EMP1: variants seen among roughly 807,000 people sequenced by gnomAD.
EMP1 encodes the protein tumor-associated membrane protein.
A neutral mutation model predicts 15.7 loss-of-function variants in EMP1; 5 were observed. The observed-to-expected ratio is 0.32, with a 90% CI of 0.17 to 0.67. The LOEUF (loss-of-function observed/expected upper bound fraction) is 0.67, where lower values mean the gene tolerates loss of function less well. Ranked by LOEUF, EMP1 falls within the 30% of genes least tolerant of loss-of-function variation. The probability of loss-of-function intolerance (pLI) is 0.74; values close to 1 mark genes in which losing one functional copy is unlikely to be tolerated. For synonymous variants in EMP1, 78 were observed against 76.7 expected, an observed-to-expected ratio of 1.02 and a Z score of -0.09; for missense variants, 166 against 194.2, an observed-to-expected ratio of 0.85 and a Z score of 0.86.
chr12:13,206,202 G>C (rs1864109354), intron 1 of EMP1, among the ~76,000 whole-genome samples: 1 of 152,048 alleles, frequency 6.6e-6, no homozygotes, highest in East Asian at 1.9e-4. Flanking sequence ...TGAGGGGAAG[G>C]GAAGATAGGA....
At chr12:13,203,003 C>T (rs1864079252) in intron 1 of EMP1, among the ~76,000 whole-genome samples, 1 of 152,140 alleles carries the variant, frequency 6.6e-6, no homozygotes, top group Non-Finnish European at 1.5e-5. Context: ...AGGGGTTGGA[C>T]TGAATGACCT....
intron 1 of EMP1, among the ~76,000 whole-genome samples, chr12:13,198,000 T>C (rs1351770224): frequency 6.6e-6 from 1 of 152,168 alleles, no homozygotes; most frequent in Non-Finnish European, 1.5e-5. Context: ...GAACTTCATC[T>C]GTGCCTGTTA....
rs948353262 is a variant in EMP1, at chr12:13,198,925, C to T, written c.-43+2053C>T. Among the ~76,000 whole-genome samples the T allele has an allele frequency of 4.0e-5, 6 of 151,564 alleles. No homozygotes were observed. In the South Asian group the frequency reaches 1.3e-3, roughly 32 times the overall value. Reference sequence around the variant, plus strand: ...TTTCTGGATTTCAGCTTTGACAATCCCGAAATGTGAGGGTTATTTTTCCCC... The same window carrying T: ...TTTCTGGATTTCAGCTTTGACAATCTCGAAATGTGAGGGTTATTTTTCCCC... On this transcript the variant is annotated intron_variant, in intron 1 of 4. Transcript: ENST00000256951.
chr12:13,212,300 T>C (rs1244077173), intron 2 of EMP1, among the ~76,000 whole-genome samples: 2 of 152,218 alleles, frequency 1.3e-5, no homozygotes, highest in Non-Finnish European at 2.9e-5. Flanking sequence ...AATTTGCTTT[T>C]ACTTGTGCTT....
In EMP1 at chr12:13,218,213, C is replaced by T. The variant is rs1257872310; in HGVS notation, c.*3522C>T. On this transcript the variant is annotated 3_prime_UTR_variant, in exon 5 of 5. Coordinates refer to ENST00000256951, the MANE Select transcript of EMP1 (RefSeq NM_001423.3). ...CCCACTCTGCCTTGGATTTAGCCAT[C>T]GCAGTCCCTGTGTAAAACCCCACCG... The T allele has an allele frequency of 2.0e-5, 3 of 152,104 alleles. No homozygotes were observed. The highest frequency in any genetic ancestry group is 1.9e-4 in the East Asian group (1 of 5,194). The allele number at this position is 152,104 out of a possible 1,614,324, so 9.4% of individuals were successfully genotyped here.
In EMP1 at chr12:13,219,147, C is replaced by T. The variant is rs907921710; in HGVS notation, c.*4456C>T. 2 of 152,224 alleles carry T rather than the reference C, an allele frequency of 1.3e-5. No homozygotes were observed. Among genetic ancestry groups the T allele is most frequent in the East Asian group, 1.9e-4 (1 of 5,196 alleles). The allele number at this position is 152,224 out of a possible 1,614,324, so 9.4% of individuals were successfully genotyped here. A position where few individuals can be genotyped will look rare whatever the true frequency, so the allele number is the denominator to read the frequency against. On this transcript the variant is annotated 3_prime_UTR_variant, in exon 5 of 5. Coordinates refer to ENST00000256951, the MANE Select transcript of EMP1 (RefSeq NM_001423.3). The stretch of plus-strand genomic sequence containing the variant: ...TCTCTGCCTTTATCTACAATCTCTC[C>T]AACCTGTGCTTTATGCTGATGTCAG...
chr12:13,211,420 T>C lies in EMP1; in HGVS notation c.-42-49T>C. The C allele has an allele frequency of 1.5e-6, 2 of 1,329,304 alleles. No individual in the cohort carries two copies. Among genetic ancestry groups the C allele is most frequent in the Non-Finnish European group, 1.1e-6 (1 of 931,588 alleles). The allele number at this position is 1,329,304 out of a possible 1,614,324, so 82.3% of individuals were successfully genotyped here. On this transcript the variant is annotated intron_variant, in intron 1 of 4. Transcript: ENST00000256951. The surrounding 1 kb of genome is among the most constrained non-coding windows in gnomAD (Gnocchi z 4.7). The stretch of plus-strand genomic sequence containing the variant: ...ACACGTGTGGGAAAGCTGAGTCGTC[T>C]TATTGAATCTGACAGTAACCGTTTT...
chr12:13,204,932 T>C (rs1392785554), intron 1 of EMP1, among the ~76,000 whole-genome samples: 1 of 152,240 alleles, frequency 6.6e-6, no homozygotes, highest in East Asian at 1.9e-4. Context: ...CTGGTAGTTC[T>C]GCTGTGAAGA....
In EMP1 at chr12:13,214,605, CA is replaced by C; in HGVS notation, c.389del (p.His130ProfsTer25). 1 of 1,613,906 alleles carries C rather than the reference CA, an allele frequency of 6.2e-7. No individual in the cohort carries two copies. Among genetic ancestry groups the C allele is most frequent in the South Asian group, 1.1e-5 (1 of 91,056 alleles). ...YANRDGTQYH[H>X]GYSYILGWIC... Reference sequence around the variant, plus strand: ...GAATCGTGATGGAACGCAGTATCACCACGGCTATTCCTACATCCTGGGCTGG... The same window carrying C: ...GAATCGTGATGGAACGCAGTATCACCCGGCTATTCCTACATCCTGGGCTGG... On this transcript the variant is annotated frameshift_variant, in exon 5 of 5. Transcript: ENST00000256951. LOFTEE classifies it high-confidence loss of function.
Position 13,219,397 on chromosome 12 carries a change from A to G in EMP1, c.*4706A>G, listed in dbSNP as rs1223000235. On this transcript the variant is annotated 3_prime_UTR_variant, in exon 5 of 5. Transcript: ENST00000256951. ...CACATCACTGTCAGCATTTTGGTTA[A>G]AACCATTCAACAAGTCTCCAGGAAG... is the stretch of plus-strand genomic sequence containing the variant. 1.3e-5 allele frequency: 2 copies of G among 152,314 alleles called. No homozygotes were observed. The highest frequency in any genetic ancestry group is 3.9e-4 in the East Asian group (2 of 5,182). The allele number at this position is 152,314 out of a possible 1,614,324, so 9.4% of individuals were successfully genotyped here.
chr12:13,200,556 C>CA (rs2121143456), intron 1 of EMP1, among the ~76,000 whole-genome samples: 1 of 152,284 alleles, frequency 6.6e-6, no homozygotes, highest in Admixed American at 6.5e-5. Flanking sequence ...CAAGGAAGCC[C>CA]AAATATGGTT....
intron 1 of EMP1, chr12:13,209,271 T>C (rs576819019): frequency 1.3e-5 from 2 of 152,258 alleles, no homozygotes; most frequent in African/African-American, 2.4e-5. Flanking sequence ...CAGGATCTGG[T>C]GAGGTGTGAA....
In EMP1 at chr12:13,216,622, A is replaced by G; in HGVS notation, c.*1931A>G. 2 of 606,938 alleles carry G rather than the reference A, an allele frequency of 3.3e-6. No individual in the cohort carries two copies. The highest frequency in any genetic ancestry group is 5.8e-6 in the Non-Finnish European group (2 of 342,692). 37.6% of individuals were successfully genotyped at this position (606,938 alleles called of 1,614,324 possible). A position where few individuals can be genotyped will look rare whatever the true frequency, so the allele number is the denominator to read the frequency against. ...CTTTTACTTTTTTTCTGTGACATTT[A>G]TGTCTCATGTAATTTGCATTACTCT... On this transcript the variant is annotated 3_prime_UTR_variant, in exon 5 of 5. Coordinates refer to ENST00000256951, the MANE Select transcript of EMP1 (RefSeq NM_001423.3).
chr12:13,216,491 G>A lies in EMP1; in HGVS notation c.*1800G>A, dbSNP rs1221119506. ...CATTATCACATGATTATAGAAGGCT[G>A]TCTTAGTGCAAAAAACATACTTACA... On this transcript the variant is annotated 3_prime_UTR_variant, in exon 5 of 5. Coordinates refer to ENST00000256951, the MANE Select transcript of EMP1 (RefSeq NM_001423.3). 2 of 700,580 alleles carry A rather than the reference G, an allele frequency of 2.9e-6. No homozygotes were observed. The highest frequency in any genetic ancestry group is 3.0e-5 in the South Asian group (2 of 66,874). The allele number at this position is 700,580 out of a possible 1,614,324, so 43.4% of individuals were successfully genotyped here. A position where few individuals can be genotyped will look rare whatever the true frequency, so the allele number is the denominator to read the frequency against.
rs367984001 is a variant in EMP1, at chr12:13,214,542, A to G, written c.325A>G (p.Ile109Val). 1.1e-5 allele frequency: 17 copies of G among 1,613,046 alleles called. No individual in the cohort carries two copies. The Admixed American group carries it at 1.8e-4, about 17-fold the overall frequency. The stretch of plus-strand genomic sequence containing the variant: ...CTCCTTTTCCCCTGCAGGGCTGTGC[A>G]TTCTTGTGGGGGTGTCCATCTACAC... ...GATTLVCWLC[I>V]LVGVSIYTSH... Residue 109 changes from isoleucine to valine, a missense_variant, in exon 5 of 5, where the codon ATT (isoleucine) becomes GTT (valine). Coordinates refer to ENST00000256951, the MANE Select transcript of EMP1 (RefSeq NM_001423.3).
In EMP1 at chr12:13,208,624, A is replaced by T. The variant is rs78602919; in HGVS notation, c.-42-2845A>T. 1.1e-4 allele frequency among the ~76,000 whole-genome samples: 16 copies of T among 152,366 alleles called. No homozygotes were observed. The East Asian group carries it at 3.1e-3, about 29-fold the overall frequency. On this transcript the variant is annotated intron_variant, in intron 1 of 4. Coordinates refer to ENST00000256951, the MANE Select transcript of EMP1 (RefSeq NM_001423.3). ...ATGGAGAAGTTGTAGCTTAAGCTAA[A>T]CAGCCCCTCCTTCTGGCTGGATACA...
Position 13,213,702 on chromosome 12 carries a change from C to G in EMP1, c.197C>G (p.Ala66Gly), listed in dbSNP as rs1377379699. The G allele has an allele frequency of 6.2e-7, 1 of 1,614,192 alleles. No homozygotes were observed. Among genetic ancestry groups the G allele is most frequent in the Non-Finnish European group, 8.5e-7 (1 of 1,180,030 alleles). ...ACAGATGCCCTCAAGACAGTGCAGG[C>G]CTTCATGATTCTCTCTATCATCTTC... is the stretch of plus-strand genomic sequence containing the variant. ...ASEDALKTVQ[A>G]FMILSIIFCV... is the part of the protein sequence containing the mutation. Residue 66 changes from alanine (A) to glycine (G), a missense_variant, in exon 4 of 5, where the codon GCC becomes GGC. Transcript: ENST00000256951.
intron 2 of EMP1, among the ~76,000 whole-genome samples, chr12:13,212,628 G>C (rs115592048): frequency 6.6e-6 from 1 of 152,210 alleles, no homozygotes; most frequent in Non-Finnish European, 1.5e-5. Flanking sequence ...GCGCCAAAGC[G>C]CTGCGTATCT....
chr12:13,211,413 A>G lies in EMP1; in HGVS notation c.-42-56A>G. ...ATAGCCCACACGTGTGGGAAAGCTG[A>G]GTCGTCTTATTGAATCTGACAGTAA... On this transcript the variant is annotated intron_variant, in intron 1 of 4. Transcript: ENST00000256951. This position sits in a 1 kb window ranked among gnomAD's most constrained non-coding sequence, Gnocchi z 4.7. 1 of 1,216,272 alleles carries G rather than the reference A, an allele frequency of 8.2e-7. No individual in the cohort carries two copies. The highest frequency in any genetic ancestry group is 1.2e-6 in the Non-Finnish European group (1 of 831,752). 75.3% of individuals were successfully genotyped at this position (1,216,272 alleles called of 1,614,324 possible).
Sources: allele counts gnomAD v4.1 joint callset (sites outside exome capture counted in the v4.1 genomes callset), GRCh38; gene constraint gnomAD v4.1.1; non-coding constraint Gnocchi (gnomAD v3.1); transcripts MANE v1.5; gene names NCBI Gene and HGNC (gene_info 2026-07-23, HGNC 2026-07-21).